STAG1: variants seen among roughly 807,000 people sequenced by gnomAD.
The protein encoded by STAG1 is cohesin subunit SA-1.
STAG1 carries 26 observed loss-of-function variants against 170.9 expected under a neutral mutation model. The ratio of observed to expected loss-of-function variants is 0.15; its 90% CI spans 0.11 to 0.21. The LOEUF (loss-of-function observed/expected upper bound fraction) is 0.21, where lower values mean the gene tolerates loss of function less well. Ranked by LOEUF, STAG1 falls within the 10% of genes least tolerant of loss-of-function variation. The pLI is 1.00. For missense variants in STAG1, 964 were observed against 1,509.5 expected, an observed-to-expected ratio of 0.64 and a Z score of 5.99; for synonymous variants, 514 against 497.7, an observed-to-expected ratio of 1.03 and a Z score of -0.44.
intron 22 of STAG1, among the ~76,000 whole-genome samples, chr3:136,385,647 T>C (rs1268954129): frequency 2.0e-5 from 3 of 152,142 alleles, no homozygotes; most frequent in South Asian, 2.1e-4. Flanking sequence ...CATATACCCA[T>C]ATATAAAAGG....
intron 13 of STAG1, among the ~76,000 whole-genome samples, chr3:136,464,361 T>G (rs2089386519): frequency 6.6e-6 from 1 of 151,670 alleles, no homozygotes; most frequent in African/African-American, 2.4e-5. Context: ...AGGCAGAAGT[T>G]GTGGTGAGTC....
chr3:136,611,982 G>C (rs1441297919), intron 3 of STAG1, among the ~76,000 whole-genome samples: 1 of 151,870 alleles, frequency 6.6e-6, no homozygotes, highest in East Asian at 1.9e-4. Flanking sequence ...CGAGTAGCTG[G>C]GACTACAGGT....
chr3:136,415,205 A>G (rs1001174866), intron 21 of STAG1, among the ~76,000 whole-genome samples: 1 of 152,144 alleles, frequency 6.6e-6, no homozygotes, highest in African/African-American at 2.4e-5. Flanking sequence ...CAAACCTTCA[A>G]TTTGAAAAAA....
intron 16 of STAG1, among the ~76,000 whole-genome samples, chr3:136,423,823 G>C (rs1206234964): frequency 1.3e-5 from 2 of 151,718 alleles, no homozygotes; most frequent in Non-Finnish European, 2.9e-5. Flanking sequence ...TGTGCAAGAA[G>C]TAATAGCACT....
intron 21 of STAG1, among the ~76,000 whole-genome samples, chr3:136,409,698 G>A (rs1311373252): frequency 1.3e-5 from 2 of 152,052 alleles, no homozygotes; most frequent in Non-Finnish European, 2.9e-5. Context: ...ATGTGTTCAT[G>A]TCTAGTTCAT....
In STAG1 at chr3:136,357,668, AT is replaced by A. The variant is rs1213259352; in HGVS notation, c.3065+51del. The A allele has an allele frequency of 4.1e-6, 6 of 1,466,082 alleles. No homozygotes were observed. The African/African-American group carries it at 4.3e-5, about 11-fold the overall frequency. 90.8% of individuals were successfully genotyped at this position (1,466,082 alleles called of 1,614,324 possible). A position where few individuals can be genotyped will look rare whatever the true frequency, so the allele number is the denominator to read the frequency against. On this transcript the variant is annotated intron_variant, in intron 28 of 33. Transcript: ENST00000383202. ...ATTAAAAATTTTTCAAAAAATAAACATTTACAACAGTATTATTATAAAAACC... is the reference window on the plus strand; with the variant it reads ...ATTAAAAATTTTTCAAAAAATAAACATTACAACAGTATTATTATAAAAACC...
chr3:136,368,827 T>C (rs1937181693), intron 24 of STAG1, among the ~76,000 whole-genome samples: 1 of 152,156 alleles, frequency 6.6e-6, no homozygotes, highest in African/African-American at 2.4e-5. Context: ...ACTATATGAA[T>C]GTATTACTAT....
chr3:136,542,201 G>A lies in STAG1; in HGVS notation c.395-6C>T. ...CATCTCTATTCTCACAGTACCTGTG[G>A]AACAACAGATTTTACATTAATCTTT... On this transcript the variant is annotated splice_polypyrimidine_tract_variant and splice_region_variant and intron_variant, in intron 5 of 33. Coordinates refer to ENST00000383202, the MANE Select transcript of STAG1 (RefSeq NM_005862.3). 1 of 1,598,280 alleles carries A rather than the reference G, an allele frequency of 6.3e-7. No homozygotes were observed. Among genetic ancestry groups the A allele is most frequent in the Non-Finnish European group, 8.5e-7 (1 of 1,172,324 alleles).
At chr3:136,631,202 C>T (rs775997859) in intron 1 of STAG1, among the ~76,000 whole-genome samples, 12 of 152,182 alleles carry the variant, frequency 7.9e-5, no homozygotes, top group Non-Finnish European at 1.3e-4. Context: ...AAATAAACTA[C>T]GCACATCCTC....
intron 1 of STAG1, among the ~76,000 whole-genome samples, chr3:136,742,050 G>C (rs1325863219): frequency 2.0e-5 from 3 of 152,110 alleles, no homozygotes; most frequent in Non-Finnish European, 1.5e-5. Flanking sequence ...AAATGAGTGA[G>C]AAAAACTTGA....
chr3:136,430,465 C>T (rs116058458), intron 16 of STAG1, among the ~76,000 whole-genome samples: 1,661 of 151,892 alleles, frequency 0.011, 29 homozygotes, highest in East Asian at 0.048. Context: ...TTGTGTTACT[C>T]TTGTCACATA....
chr3:136,367,626 A>G (rs1937126557), intron 24 of STAG1, among the ~76,000 whole-genome samples: 1 of 152,142 alleles, frequency 6.6e-6, no homozygotes, highest in South Asian at 2.1e-4. Flanking sequence ...CTGAGAGAAC[A>G]CTTCTGAAAA....
chr3:136,426,272 A>C (rs1163814622), intron 16 of STAG1, among the ~76,000 whole-genome samples: 1 of 151,990 alleles, frequency 6.6e-6, no homozygotes, highest in Non-Finnish European at 1.5e-5. Flanking sequence ...TAGCTGCGTG[A>C]GGTGGCAGGT....
intron 1 of STAG1, among the ~76,000 whole-genome samples, chr3:136,730,077 G>T (rs912191101): frequency 6.6e-6 from 1 of 151,296 alleles, no homozygotes; most frequent in Non-Finnish European, 1.5e-5. Flanking sequence ...AGACAGAGTC[G>T]CCCTCTGTCA....
chr3:136,541,542 A>ACACACACACACACT (rs764080608), intron 6 of STAG1, among the ~76,000 whole-genome samples: 87 of 129,200 alleles, frequency 6.7e-4, no homozygotes, highest in African/African-American at 1.9e-3. Context: ...TAACATTCAC[A>ACACACACACACACT]CACACACACA....
rs1381055281 is a variant in STAG1, at chr3:136,462,878, A to G, written c.1313+2003T>C. ...ACAGACATAAAATAAGTATATTCTA[A>G]GACTTTTTCTAACTCAAGAGTTACC... On this transcript the variant is annotated intron_variant, in intron 13 of 33. Transcript: ENST00000383202. Among the ~76,000 whole-genome samples, 4 of 152,210 alleles carry G rather than the reference A, an allele frequency of 2.6e-5. No individual in the cohort carries two copies. In the East Asian group the frequency reaches 5.8e-4, roughly 22 times the overall value.
At chr3:136,558,907 C>T (rs995145052) in intron 5 of STAG1, among the ~76,000 whole-genome samples, 2 of 152,164 alleles carry the variant, frequency 1.3e-5, no homozygotes, top group African/African-American at 4.8e-5. Flanking sequence ...ATAAGGTATA[C>T]TTTACAGTAG....
intron 1 of STAG1, among the ~76,000 whole-genome samples, chr3:136,716,131 G>A (rs1377274859): frequency 6.7e-6 from 1 of 148,906 alleles, no homozygotes; most frequent in Non-Finnish European, 1.5e-5. Context: ...AACATAAATT[G>A]AATTTTCATG....
intron 6 of STAG1, among the ~76,000 whole-genome samples, chr3:136,541,585 C>CA (rs59103512): frequency 1.3e-5 from 2 of 148,674 alleles, no homozygotes; most frequent in Admixed American, 6.7e-5. Context: ...CACACACACA[C>CA]CAGGGGTTTG....
Sources: gnomAD v4.1 joint callset for allele counts (sites outside exome capture counted in the v4.1 genomes callset) on GRCh38, gnomAD v4.1.1 for gene constraint, MANE v1.5 for transcripts, NCBI Gene and HGNC (gene_info 2026-07-23, HGNC 2026-07-21) for gene names.